Variants in CWH43 observed in about 807,000 individuals in gnomAD.
The protein encoded by CWH43 is PGAP2-interacting protein.
Under a neutral mutation model 85.7 loss-of-function variants are expected in CWH43, and 91 were observed. The observed-to-expected ratio is 1.06, with a 90% CI of 0.90 to 1.26. CWH43 has a LOEUF of 1.26. CWH43 is among the 50% of genes most tolerant of loss of function. The probability of loss-of-function intolerance (pLI) is 0.00; values close to 1 mark genes in which losing one functional copy is unlikely to be tolerated. For synonymous variants in CWH43, 323 were observed against 293.6 expected, an observed-to-expected ratio of 1.10 and a Z score of -1.02; for missense variants, 869 against 839.2, an observed-to-expected ratio of 1.04 and a Z score of -0.44.
intron 10 of CWH43, among the ~76,000 whole-genome samples, chr4:49,029,241 G>A (rs1784013296): frequency 1.3e-5 from 2 of 152,222 alleles, no homozygotes; most frequent in South Asian, 2.1e-4. Flanking sequence ...CCCTAATCCT[G>A]TGCTCACAGA....
chr4:48,986,998 G>A (rs780882472), intron 1 of CWH43, among the ~76,000 whole-genome samples: 1 of 152,182 alleles, frequency 6.6e-6, no homozygotes, highest in African/African-American at 2.4e-5. Flanking sequence ...CATCAGACTC[G>A]AGTCTCATCT....
chr4:49,041,674 AG>A (rs1189292771), intron 13 of CWH43, among the ~76,000 whole-genome samples: 1 of 152,188 alleles, frequency 6.6e-6, no homozygotes, highest in African/African-American at 2.4e-5. Context: ...CAGGTGAATC[AG>A]CACTGGAATG....
chr4:49,005,237 A>G (rs1467725211), intron 7 of CWH43, among the ~76,000 whole-genome samples: 1 of 152,170 alleles, frequency 6.6e-6, no homozygotes, highest in Non-Finnish European at 1.5e-5. Flanking sequence ...GTGGGGTACA[A>G]TTGCAATTTT....
chr4:49,056,358 A>C (rs1784963928), intron 15 of CWH43, among the ~76,000 whole-genome samples: 1 of 152,000 alleles, frequency 6.6e-6, no homozygotes. Flanking sequence ...TGCATTATTG[A>C]ACTGTTCAGA....
intron 8 of CWH43, chr4:49,016,844 C>A: frequency 1.3e-6 from 1 of 780,762 alleles, no homozygotes; most frequent in South Asian, 1.3e-5. Flanking sequence ...GTTCATCTGA[C>A]TCCCCAAAGA....
At chr4:49,039,185 C>T (rs1207048723) in intron 13 of CWH43, among the ~76,000 whole-genome samples, 7 of 141,110 alleles carry the variant, frequency 5.0e-5, no homozygotes, top group Non-Finnish European at 1.1e-4. Context: ...GCCAACAGGG[C>T]CCCAGCAGAT....
intron 9 of CWH43, among the ~76,000 whole-genome samples, chr4:49,018,456 A>G (rs1783632660): frequency 6.6e-6 from 1 of 152,184 alleles, no homozygotes; most frequent in South Asian, 2.1e-4. Context: ...GCAATGTGAG[A>G]TTCTTTAGGA....
chr4:48,992,185 T>C lies in CWH43; in HGVS notation c.511+95T>C, dbSNP rs571778761. On this transcript the variant is annotated intron_variant, in intron 4 of 15. Transcript: ENST00000226432. The surrounding 1 kb of genome is among the most constrained non-coding windows in gnomAD (Gnocchi z 4.3). ...GAAAGAAAATCTATAAAAGTAGTCT[T>C]TCTGCATTATATCTATATTTCAGCT... 4.7e-6 allele frequency: 5 copies of C among 1,060,042 alleles called. No individual in the cohort carries two copies. The South Asian group carries it at 6.3e-5, about 13-fold the overall frequency. 65.7% of individuals were successfully genotyped at this position (1,060,042 alleles called of 1,614,324 possible).
At chr4:49,046,069 G>A (rs796631461) in intron 14 of CWH43, among the ~76,000 whole-genome samples, 4 of 151,746 alleles carry the variant, frequency 2.6e-5, no homozygotes, top group East Asian at 1.9e-4. Flanking sequence ...TTTTTTATTT[G>A]TTTATTTATT....
intron 15 of CWH43, among the ~76,000 whole-genome samples, chr4:49,055,916 T>C (rs1203002540): frequency 7.0e-6 from 1 of 143,394 alleles, no homozygotes; most frequent in African/African-American, 2.5e-5. Context: ...TTTTTTTCTT[T>C]TTTTTTTTTT....
At position 49,046,347 on chromosome 4, in the gene CWH43, A is replaced by G. The variant is rs752549561; in HGVS notation, c.1865+1500A>G. On this transcript the variant is annotated intron_variant, in intron 14 of 15. Transcript: ENST00000226432. ...ATTCATTCATTCATTCATTTATCCA[A>G]TAAGTGTTTACTAAATCCTCTTTAT... 2.9e-4 allele frequency among the ~76,000 whole-genome samples: 44 copies of G among 151,676 alleles called. 1 individual carries two copies. The highest frequency in any genetic ancestry group is 5.3e-4 in the Non-Finnish European group (36 of 67,902).
chr4:49,005,474 A>C (rs1382329343), intron 7 of CWH43, among the ~76,000 whole-genome samples: 2 of 152,112 alleles, frequency 1.3e-5, no homozygotes, highest in Non-Finnish European at 2.9e-5. Flanking sequence ...ATCATATATA[A>C]AACGAGACAA....
At chr4:48,996,030 C>A (rs1782799379) in intron 5 of CWH43, among the ~76,000 whole-genome samples, 1 of 151,746 alleles carries the variant, frequency 6.6e-6, no homozygotes, top group African/African-American at 2.4e-5. Context: ...CCCCTACTTA[C>A]CTTTCCAAAT....
rs1007917783 is a variant in CWH43 at position 49,061,791 on chromosome 4, A to G, written c.2022-21A>G. The G allele has an allele frequency of 3.7e-6, 5 of 1,344,402 alleles. No homozygotes were observed. In the African/African-American group the frequency reaches 6.1e-5, roughly 16 times the overall value. 83.3% of individuals were successfully genotyped at this position (1,344,402 alleles called of 1,614,324 possible). On this transcript the variant is annotated intron_variant, in intron 15 of 15. Coordinates refer to ENST00000226432, the MANE Select transcript of CWH43 (RefSeq NM_025087.3). ...GGTTTTTACATGCCAATAACTTTTT[A>G]TTTATTTTTTATTTTTTTAGATTTG... is the stretch of plus-strand genomic sequence containing the variant.
chr4:49,044,620 T>G (rs1434563971), intron 13 of CWH43, among the ~76,000 whole-genome samples, 166 bp from the exon 14 acceptor site: 1 of 152,284 alleles, frequency 6.6e-6, no homozygotes, highest in East Asian at 1.9e-4. Context: ...AATAAATATA[T>G]GTAGAATGAG....
chr4:49,060,347 T>C (rs548383149), intron 15 of CWH43, among the ~76,000 whole-genome samples: 1 of 152,116 alleles, frequency 6.6e-6, no homozygotes, highest in South Asian at 2.1e-4. Context: ...TCTGGGGCTT[T>C]TGGGGGTGGC....
Position 49,017,237 on chromosome 4 carries a change from T to C in CWH43, c.1187-12T>C, listed in dbSNP as rs1260807548. The C allele has an allele frequency of 6.3e-7, 1 of 1,598,570 alleles. No homozygotes were observed. Among genetic ancestry groups the C allele is most frequent in the Non-Finnish European group, 8.5e-7 (1 of 1,173,578 alleles). ...TTTTAAAAAAACCCAATTATTTCTT[T>C]TTTCTGTTTAGTTCTGTGGCTGCTT... is the stretch of plus-strand genomic sequence containing the variant. On this transcript the variant is annotated splice_polypyrimidine_tract_variant and intron_variant, in intron 8 of 15. Coordinates refer to ENST00000226432, the MANE Select transcript of CWH43 (RefSeq NM_025087.3).
chr4:49,032,309 G>A (rs892044688), intron 11 of CWH43, among the ~76,000 whole-genome samples: 1 of 152,188 alleles, frequency 6.6e-6, no homozygotes, highest in Admixed American at 6.5e-5. Context: ...TATTACTAAT[G>A]CTGCCCTTTT....
intron 9 of CWH43, among the ~76,000 whole-genome samples, chr4:49,019,551 T>C (rs1783672107): frequency 6.6e-6 from 1 of 152,074 alleles, no homozygotes; most frequent in South Asian, 2.1e-4. Flanking sequence ...TTTCATTTTA[T>C]TATTAGTATT....
Sources: allele counts gnomAD v4.1 joint callset (sites outside exome capture counted in the v4.1 genomes callset), GRCh38; gene constraint gnomAD v4.1.1; non-coding constraint Gnocchi (gnomAD v3.1); transcripts MANE v1.5; gene names NCBI Gene and HGNC (gene_info 2026-07-23, HGNC 2026-07-21).